The following ERBIN variants were observed in gnomAD, a reference collection of about 807,000 sequenced individuals.
ERBIN encodes the protein erbb2 interacting protein, also known as densin-180-like protein.
ERBIN carries 60 observed loss-of-function variants against 158.4 expected under a neutral mutation model. The ratio of observed to expected loss-of-function variants is 0.38; its 90% CI spans 0.31 to 0.47. The LOEUF (loss-of-function observed/expected upper bound fraction) is 0.47. Ranked by LOEUF, ERBIN falls within the 20% of genes least tolerant of loss-of-function variation. The pLI is 0.99. For synonymous variants in ERBIN, 594 were observed against 557.2 expected (o/e 1.07, Z -0.93); for missense variants, 1,610 against 1,648.0 (o/e 0.98, Z 0.40).
chr5:65,963,713 G>A (rs1166052412), intron 1 of ERBIN, among the ~76,000 whole-genome samples: 1 of 151,992 alleles, frequency 6.6e-6, no homozygotes, highest in Non-Finnish European at 1.5e-5. Context: ...GTTGTATTTG[G>A]TAGTGAAATT....
rs1289059613 is a variant in ERBIN at position 65,992,692 on chromosome 5, T to C, written c.-9-18T>C. On this transcript the variant is annotated intron_variant, in intron 2 of 25. Transcript: ENST00000284037. ...GTAATATGTATGTTTTAAATTTCTT[T>C]TTATTCGAATATTGCAGTGTCTAAA... 2 of 1,545,492 alleles carry C rather than the reference T, an allele frequency of 1.3e-6. No homozygotes were observed. Among genetic ancestry groups the C allele is most frequent in the African/African-American group, 2.8e-5 (2 of 71,744 alleles).
At chr5:65,995,162 T>G (rs1752284879) in intron 4 of ERBIN, among the ~76,000 whole-genome samples, 1 of 152,174 alleles carries the variant, frequency 6.6e-6, no homozygotes, top group Non-Finnish European at 1.5e-5. Context: ...AAGGGATTTT[T>G]TTGTTGTTGT....
rs893637235 is a variant in ERBIN at position 66,054,943 on chromosome 5, T to G, written c.3625T>G (p.Leu1209Val). The G allele has an allele frequency of 3.8e-6, 6 of 1,568,286 alleles. No homozygotes were observed. Among genetic ancestry groups the G allele is most frequent in the Non-Finnish European group, 5.2e-6 (6 of 1,158,324 alleles). ...QVLRHIEAKK[L>V]EKKHPQTSSS... ...ACTTCGACATATTGAAGCCAAAAAG[T>G]TAGAAAAGGTAATTGAACATGAGTT... The change falls in exon 21 of 26, where the codon TTA (leucine) becomes GTA (valine). Residue 1209 changes from leucine (L) to valine (V), a missense_variant. Leu to Val is a conservative substitution (Grantham distance 32). Coordinates refer to ENST00000284037, the MANE Select transcript of ERBIN (RefSeq NM_001253697.2).
chr5:65,986,989 G>A (rs750942823), intron 1 of ERBIN, among the ~76,000 whole-genome samples: 1 of 152,146 alleles, frequency 6.6e-6, no homozygotes, highest in African/African-American at 2.4e-5. Flanking sequence ...TAATAGGATG[G>A]TTGTTGCAGC....
intron 14 of ERBIN, among the ~76,000 whole-genome samples, chr5:66,037,302 G>A (rs1454750153): frequency 6.6e-6 from 1 of 152,008 alleles, no homozygotes; most frequent in Non-Finnish European, 1.5e-5. Context: ...GACTATGGAA[G>A]GTATGGGTTA....
intron 1 of ERBIN, among the ~76,000 whole-genome samples, chr5:65,981,003 A>C (rs1750595205): frequency 1.3e-5 from 2 of 152,340 alleles, no homozygotes; most frequent in Admixed American, 6.5e-5. Flanking sequence ...TGTGACATTC[A>C]TGTACACGTG....
intron 21 of ERBIN, among the ~76,000 whole-genome samples, chr5:66,066,527 A>C (rs911494731): frequency 1.4e-5 from 2 of 145,832 alleles, no homozygotes; most frequent in African/African-American, 5.6e-5. Context: ...AAAAATAAAA[A>C]AAAAAAAACA....
intron 1 of ERBIN, among the ~76,000 whole-genome samples, chr5:65,985,768 G>T (rs966717960): frequency 1.3e-5 from 2 of 152,130 alleles, no homozygotes; most frequent in South Asian, 4.1e-4. Flanking sequence ...TACCTGAGTT[G>T]TCGATTCTAG....
intron 14 of ERBIN, among the ~76,000 whole-genome samples, chr5:66,030,498 A>G (rs1756752993): frequency 6.6e-6 from 1 of 151,766 alleles, no homozygotes; most frequent in Admixed American, 6.6e-5. Flanking sequence ...TAACTTCACA[A>G]TGAATGAGAC....
chr5:66,034,284 A>T (rs563483192), intron 14 of ERBIN, among the ~76,000 whole-genome samples: 1 of 151,836 alleles, frequency 6.6e-6, no homozygotes, highest in Admixed American at 6.6e-5. Flanking sequence ...AGAATTTTCC[A>T]TACTCATAGC....
intron 1 of ERBIN, among the ~76,000 whole-genome samples, chr5:65,929,197 A>G (rs767967106): frequency 1.3e-4 from 20 of 152,226 alleles, no homozygotes; most frequent in Non-Finnish European, 2.5e-4. Flanking sequence ...ACATTAACAT[A>G]TATCATTGGC....
chr5:65,934,943 G>GT (rs1174480660), intron 1 of ERBIN, among the ~76,000 whole-genome samples: 3 of 151,856 alleles, frequency 2.0e-5, no homozygotes, highest in Non-Finnish European at 4.4e-5. Flanking sequence ...AGTACTCCTT[G>GT]TTTTTTAGCA....
chr5:66,059,148 A>G (rs571837175), intron 21 of ERBIN, among the ~76,000 whole-genome samples: 8 of 152,086 alleles, frequency 5.3e-5, no homozygotes, highest in Admixed American at 2.6e-4. Context: ...TTTTCATGAT[A>G]TTGATTCTTC....
chr5:65,977,759 G>A (rs1750153449), intron 1 of ERBIN, among the ~76,000 whole-genome samples: 1 of 152,216 alleles, frequency 6.6e-6, no homozygotes, highest in Non-Finnish European at 1.5e-5. Context: ...CGGGGTGGCG[G>A]CCGGGCAGAG....
intron 1 of ERBIN, among the ~76,000 whole-genome samples, chr5:65,981,153 A>G (rs752656700): frequency 1.3e-5 from 2 of 152,250 alleles, no homozygotes; most frequent in Middle Eastern, 3.2e-3. Context: ...ATTACCAAAT[A>G]TTTTGAAATT....
chr5:66,062,132 A>T (rs1760456917), intron 21 of ERBIN, among the ~76,000 whole-genome samples: 1 of 136,094 alleles, frequency 7.3e-6, no homozygotes, highest in Admixed American at 6.8e-5. Context: ...AATATCCTGC[A>T]GTGTTTTCCA....
Position 66,075,044 on chromosome 5 carries a change from G to A in ERBIN, c.3777G>A (p.Gln1259=). ...SLMKMPLSNG[Q]MGQPLRPQAN... ...CTTAGATGCCTTTGAGTAATGGACAGATGGGCCAGCCTCTCAGGCCTCAGG... is the reference window on the plus strand; with the variant it reads ...CTTAGATGCCTTTGAGTAATGGACAAATGGGCCAGCCTCTCAGGCCTCAGG... The change falls in exon 23 of 26, where the codon CAG becomes CAA. Residue 1259 remains glutamine (Q), a synonymous_variant. Coordinates refer to ENST00000284037, the MANE Select transcript of ERBIN (RefSeq NM_001253697.2). 1 of 1,614,106 alleles carries A rather than the reference G, an allele frequency of 6.2e-7. No homozygotes were observed. Among genetic ancestry groups the A allele is most frequent in the Non-Finnish European group, 8.5e-7 (1 of 1,180,016 alleles).
At position 66,053,702 on chromosome 5, in the gene ERBIN, T is replaced by C. The variant is rs756769006; in HGVS notation, c.2384T>C (p.Phe795Ser). Residue 795 changes from phenylalanine to serine, a missense_variant, in exon 21 of 26, where the codon TTT becomes TCT. Physicochemically the swap from Phe to Ser is radical, Grantham distance 155. This residue lies in a region of ERBIN where 1,014 missense variants were observed against 936.1 expected (regional missense o/e 1.08). Transcript: ENST00000284037. ...KTQDIVLGTS[F>S]LSINSKEETE... ...CAGGATATTGTGCTTGGAACAAGCT[T>C]TTTAAGCATTAATTCTAAAGAGGAA... 7.4e-6 allele frequency: 12 copies of C among 1,613,808 alleles called. No individual in the cohort carries two copies. The highest frequency in any genetic ancestry group is 1.0e-5 in the Non-Finnish European group (12 of 1,180,002).
chr5:66,007,099 T>C (rs1172947148), intron 4 of ERBIN, among the ~76,000 whole-genome samples: 1 of 152,024 alleles, frequency 6.6e-6, no homozygotes, highest in East Asian at 1.9e-4. Flanking sequence ...CGTATGTTTA[T>C]TGTGGCACTC....
Sources: allele counts gnomAD v4.1 joint callset (sites outside exome capture counted in the v4.1 genomes callset), GRCh38; gene constraint gnomAD v4.1.1; regional missense constraint gnomAD v4.1.1; transcripts MANE v1.5; gene names NCBI Gene and HGNC (gene_info 2026-07-23, HGNC 2026-07-21).